Variants in MKNK2 observed in about 807,000 individuals in gnomAD.
MKNK2 encodes MAPK interacting serine/threonine kinase 2.
A neutral mutation model predicts 55.0 loss-of-function variants in MKNK2; 54 were observed. The observed-to-expected ratio is 0.98, with a 90% confidence interval of 0.79 to 1.23. The LOEUF (loss-of-function observed/expected upper bound fraction) is 1.23, where lower values mean the gene tolerates loss of function less well. Ranked by LOEUF, MKNK2 falls within the 50% of genes most tolerant of loss-of-function variation. The pLI, the probability that MKNK2 is intolerant of heterozygous loss-of-function variation, is 0.00. For synonymous variants in MKNK2, 323 were observed against 256.0 expected, an observed-to-expected ratio of 1.26 and a Z score of -2.50; for missense variants, 685 against 632.1, an observed-to-expected ratio of 1.08 and a Z score of -0.90.
rs1339923062 is a variant in MKNK2, at chr19:2,042,790, C to A, written c.574G>T (p.Ala192Ser). ...CCTTTGTTATGCAGAAAGTCCAAGG[C>A]GCTGGCCACGTCCTGCACCACCACG... The part of the protein sequence containing the change: ...ASVVVQDVAS[A>S]LDFLHNKGIA... The change falls in exon 8 of 14, where the codon GCC becomes TCC. Residue 192 changes from alanine (A) to serine (S), a missense_variant. Physicochemically the swap from Ala to Ser is moderately conservative, Grantham distance 99. Transcript: ENST00000250896. 1 of 1,580,166 alleles carries A rather than the reference C, an allele frequency of 6.3e-7. No homozygotes were observed. Among genetic ancestry groups the A allele is most frequent in the South Asian group, 1.1e-5 (1 of 87,264 alleles).
At position 2,037,615 on chromosome 19, in the gene MKNK2, TAA is replaced by T; in HGVS notation, c.*1996_*1997del. On this transcript the variant is annotated 3_prime_UTR_variant, in exon 14 of 14. Transcript: ENST00000250896. ...GTGCTTGGATGTTTTTCCCCCACTT[TAA>T]AAAAACTTTTGAGGTTTTTTTTTTT... The T allele has an allele frequency of 1.3e-6, 1 of 756,280 alleles. No homozygotes were observed. Among genetic ancestry groups the T allele is most frequent in the Non-Finnish European group, 1.9e-6 (1 of 528,722 alleles). 46.8% of individuals were successfully genotyped at this position (756,280 alleles called of 1,614,324 possible). A position where few individuals can be genotyped will look rare whatever the true frequency, so the allele number is the denominator to read the frequency against.
intron 2 of MKNK2, among the ~76,000 whole-genome samples, chr19:2,048,765 AC>A (rs199681657): frequency 0.025 from 3,717 of 151,388 alleles, 88 homozygotes; most frequent in South Asian, 0.065. Flanking sequence ...GCAGATAGCT[AC>A]CAGGAGGCTG....
chr19:2,048,052 C>A (rs2145694494), intron 2 of MKNK2, among the ~76,000 whole-genome samples: 2 of 152,246 alleles, frequency 1.3e-5, no homozygotes, highest in South Asian at 4.1e-4. Context: ...ACGGGAGAGG[C>A]ACCCACAGGC....
chr19:2,046,610 G>A lies in MKNK2; in HGVS notation c.133C>T (p.Arg45Cys), dbSNP rs867255645. The A allele has an allele frequency of 7.7e-6, 12 of 1,567,242 alleles. No individual in the cohort carries two copies. Among genetic ancestry groups the A allele is most frequent in the South Asian group, 5.9e-5 (5 of 85,382 alleles). The change falls in exon 3 of 14, where the codon CGC (arginine) becomes TGC (cysteine). Residue 45 changes from arginine (R) to cysteine (C), a missense_variant. Arg to Cys is a radical substitution (Grantham distance 180). Coordinates refer to ENST00000250896, the MANE Select transcript of MKNK2 (RefSeq NM_199054.3). ...TCCCCCTCGGGCCCCTCACCAGGGC[G>A]GGCTGAGCACTGCAGGCCAAAGTCA... ...DSDFGLQCSARPDMPASQPID... is the reference protein window; with the variant it reads ...DSDFGLQCSACPDMPASQPID...
At chr19:2,048,264 G>A (rs2017041498) in intron 2 of MKNK2, among the ~76,000 whole-genome samples, 1 of 152,148 alleles carries the variant, frequency 6.6e-6, no homozygotes, top group South Asian at 2.1e-4. Context: ...CAGGACCATG[G>A]GAGCAAGACC....
intron 1 of MKNK2, 24 bp from the exon 2 acceptor site, chr19:2,050,971 G>A: frequency 6.7e-6 from 4 of 597,048 alleles, no homozygotes; most frequent in Non-Finnish European, 1.1e-5. Context: ...CAGACAAAGG[G>A]AGGGCGGTGA....
chr19:2,048,287 C>T lies in MKNK2; in HGVS notation c.52-1596G>A, dbSNP rs1460985844. On this transcript the variant is annotated intron_variant, in intron 2 of 13. Transcript: ENST00000250896. ...TGGGAGCAAGACCCTGACCAGGGTG[C>T]AAGGAACAGTGCAGATTAGAGTAGG... is the stretch of plus-strand genomic sequence containing the variant. Among the ~76,000 whole-genome samples, 4 of 152,104 alleles carry T rather than the reference C, an allele frequency of 2.6e-5. No individual in the cohort carries two copies. In the East Asian group the frequency reaches 7.7e-4, roughly 29 times the overall value.
intron 11 of MKNK2, 103 bp downstream of exon 11, chr19:2,041,737 A>C (rs750843435): frequency 7.1e-5 from 69 of 971,102 alleles, no homozygotes; most frequent in Admixed American, 1.8e-4. Context: ...GGTCCCCTGG[A>C]CTTAGAGGGT....
chr19:2,038,230 A>G lies in MKNK2; in HGVS notation c.*1383T>C. 1.0e-6 allele frequency: 1 copy of G among 992,640 alleles called. No individual in the cohort carries two copies. Among genetic ancestry groups the G allele is most frequent in the Non-Finnish European group, 1.2e-6 (1 of 834,964 alleles). 61.5% of individuals were successfully genotyped at this position (992,640 alleles called of 1,614,324 possible). On this transcript the variant is annotated 3_prime_UTR_variant, in exon 14 of 14. Transcript: ENST00000250896. ...AGTATTCTTCAAGAACAGGGAAGCAAAGTCCATCGATGTGTTGTTTTTTTT... is the reference window on the plus strand; with the variant it reads ...AGTATTCTTCAAGAACAGGGAAGCAGAGTCCATCGATGTGTTGTTTTTTTT...
rs1222241781 is a variant in MKNK2 at position 2,050,924 on chromosome 19, C to G, written c.-73G>C. 8.1e-6 allele frequency: 9 copies of G among 1,116,480 alleles called. No individual in the cohort carries two copies. The South Asian group carries it at 1.2e-4, about 15-fold the overall frequency. The allele number at this position is 1,116,480 out of a possible 1,614,324, so 69.2% of individuals were successfully genotyped here. ...GGAGGCCCGAGGGCGGGCGGCCGGGCGGGGGGCGGCCGAGGAGGGGACCCT... is the reference window on the plus strand; with the variant it reads ...GGAGGCCCGAGGGCGGGCGGCCGGGGGGGGGGCGGCCGAGGAGGGGACCCT... On this transcript the variant is annotated 5_prime_UTR_variant, in exon 2 of 14. Coordinates refer to ENST00000250896, the MANE Select transcript of MKNK2 (RefSeq NM_199054.3).
intron 2 of MKNK2, among the ~76,000 whole-genome samples, chr19:2,047,378 T>G (rs2017022975): frequency 6.6e-6 from 1 of 152,080 alleles, no homozygotes; most frequent in Non-Finnish European, 1.5e-5. Context: ...TCCTCCCACC[T>G]GCAGAGCCCT....
intron 12 of MKNK2, 75 bp downstream of exon 12, chr19:2,040,965 G>A (rs1275536009): frequency 3.5e-6 from 5 of 1,442,792 alleles, no homozygotes; most frequent in Admixed American, 1.7e-5. Context: ...CACCCTCAGG[G>A]CTTCCCATGC....
intron 13 of MKNK2, 82 bp from the exon 14 acceptor site, chr19:2,039,938 G>A: frequency 6.7e-7 from 1 of 1,488,992 alleles, no homozygotes; most frequent in Admixed American, 1.9e-5. Flanking sequence ...CCTGGGGGAA[G>A]GGGCTTCATG....
Position 2,042,814 on chromosome 19 carries a change from C to T in MKNK2, c.550G>A (p.Val184Met), listed in dbSNP as rs1268901958. 8.9e-6 allele frequency: 14 copies of T among 1,581,098 alleles called. No homozygotes were observed. Among genetic ancestry groups the T allele is most frequent in the Non-Finnish European group, 1.2e-5 (14 of 1,163,030 alleles). Reference sequence around the variant, plus strand: ...GCGCTGGCCACGTCCTGCACCACCACGCTGGCCTCCAGCTCGTTGAAGTGC... The same window carrying T: ...GCGCTGGCCACGTCCTGCACCACCATGCTGGCCTCCAGCTCGTTGAAGTGC... The part of the protein sequence containing the change: ...RRHFNELEAS[V>M]VVQDVASALD... Residue 184 changes from valine to methionine, a missense_variant, in exon 8 of 14, where the codon GTG (valine) becomes ATG (methionine). Val to Met is a conservative substitution (Grantham distance 21). Transcript: ENST00000250896.
Position 2,039,255 on chromosome 19 carries a change from G to A in MKNK2, c.*358C>T. On this transcript the variant is annotated 3_prime_UTR_variant, in exon 14 of 14. Transcript: ENST00000250896. ...GGCCTGCTCTCCTGAGTCACTGCAA[G>A]CCACGTGGGCAGATGGCGGGCAGCA... The A allele has an allele frequency of 8.9e-7, 1 of 1,123,990 alleles. No homozygotes were observed. The highest frequency in any genetic ancestry group is 1.6e-5 in the African/African-American group (1 of 63,220). 69.6% of individuals were successfully genotyped at this position (1,123,990 alleles called of 1,614,324 possible). A position where few individuals can be genotyped will look rare whatever the true frequency, so the allele number is the denominator to read the frequency against.
At chr19:2,041,391 A>G (rs1303116435) in intron 11 of MKNK2, among the ~76,000 whole-genome samples, 187 bp from the exon 12 acceptor site, 1 of 152,040 alleles carries the variant, frequency 6.6e-6, no homozygotes, top group East Asian at 1.9e-4. Context: ...TGGATTTACA[A>G]AAAAGCAGCT....
chr19:2,043,652 C>A, intron 5 of MKNK2, 70 bp from the exon 6 acceptor site: 1 of 1,363,026 alleles, frequency 7.3e-7, no homozygotes. Flanking sequence ...GCCAGAAACT[C>A]CACTGCCACG....
intron 5 of MKNK2, among the ~76,000 whole-genome samples, chr19:2,044,803 C>T (rs2016963207): frequency 6.6e-6 from 1 of 152,224 alleles, no homozygotes; most frequent in Non-Finnish European, 1.5e-5. Context: ...AACTGAACCT[C>T]GTCCTGTCCC....
Position 2,046,391 on chromosome 19 carries a change from C to T in MKNK2, c.217G>A (p.Asp73Asn), listed in dbSNP as rs56158214. The T allele has an allele frequency of 3.5e-5, 56 of 1,608,526 alleles. 1 individual carries two copies. Among genetic ancestry groups the T allele is most frequent in the South Asian group, 7.7e-5 (7 of 91,090 alleles). The change falls in exon 4 of 14, where the codon GAC (aspartate) becomes AAC (asparagine). Residue 73 changes from aspartate (D) to asparagine (N), a missense_variant. By Grantham distance (23) the Asp-to-Asn change is conservative (BLOSUM62 1). Transcript: ENST00000250896. ...CCTTCAAACCTGCCCGAGAAGCTGTCGGTGGCCCGGCCGCGCTTCTTCTTC... is the reference window on the plus strand; with the variant it reads ...CCTTCAAACCTGCCCGAGAAGCTGTTGGTGGCCCGGCCGCGCTTCTTCTTC... ...GKKKKRGRAT[D>N]SFSGRFEDVY...
Sources: gnomAD v4.1 joint callset for allele counts (sites outside exome capture counted in the v4.1 genomes callset) on GRCh38, gnomAD v4.1.1 for gene constraint, MANE v1.5 for transcripts, NCBI Gene and HGNC (gene_info 2026-07-23, HGNC 2026-07-21) for gene names.